Variants in DHRS12 observed in about 807,000 individuals in gnomAD.
The protein encoded by DHRS12 is dehydrogenase/reductase 12.
Under a neutral mutation model 32.1 loss-of-function variants are expected in DHRS12, and 29 were observed. That is an observed-to-expected ratio of 0.90 (90% CI 0.67 to 1.23). The LOEUF is 1.23. DHRS12 is among the 50% of genes most tolerant of loss of function. DHRS12 has a pLI of 0.00. For synonymous variants in DHRS12, 150 were observed against 135.9 expected (o/e 1.10, Z -0.72); for missense variants, 330 against 337.2 (o/e 0.98, Z 0.17).
the DHRS12 span, chr13:51,760,729 C>T: frequency 2.0e-5 from 3 of 152,256 alleles, no homozygotes. Context: ...GATCAGCAGG[C>T]ATTAGCTTCT....
At chr13:51,768,809 C>T (rs1445754866) in intron 8 of DHRS12, 8 of 1,252,942 alleles carry the variant, frequency 6.4e-6, no homozygotes, top group Non-Finnish European at 8.0e-6. Context: ...TGCAGAGAAG[C>T]AGAGTCCGTT....
chr13:51,789,833 C>G (rs1469229408), intron 4 of DHRS12, 178 bp downstream of exon 4: 1 of 985,140 alleles, frequency 1.0e-6, no homozygotes, highest in Non-Finnish European at 1.2e-6. Flanking sequence ...TTATAAGAAA[C>G]ATGAAAAGAG....
intron 1 of DHRS12, among the ~76,000 whole-genome samples, chr13:51,802,312 T>A (rs1282809606): frequency 6.6e-6 from 1 of 152,184 alleles, no homozygotes; most frequent in Non-Finnish European, 1.5e-5. Context: ...ATCAGCATCA[T>A]CTGGAAACCT....
chr13:51,772,010 G>GCAGAGTCCAGTGTAA, intron 6 of DHRS12, 99 bp from the exon 7 acceptor site: 1 of 1,134,244 alleles, frequency 8.8e-7, no homozygotes, highest in Non-Finnish European at 1.3e-6. Flanking sequence ...ATCTTACACT[G>GCAGAGTCCAGTGTAA]GACTCTGCAG....
intron 2 of DHRS12, 55 bp downstream of exon 2, chr13:51,799,479 C>G: frequency 3.1e-6 from 5 of 1,602,866 alleles, no homozygotes; most frequent in Non-Finnish European, 3.4e-6. Context: ...TCAGTGTGGA[C>G]CGGCCGCAGT....
chr13:51,763,316 G>A (rs1222313619), downstream of DHRS12: 2 of 152,102 alleles, frequency 1.3e-5, no homozygotes, highest in African/African-American at 4.8e-5. Flanking sequence ...CCCTGTGGTG[G>A]GGGAGGTAAT....
intron 4 of DHRS12, among the ~76,000 whole-genome samples, chr13:51,781,897 G>A (rs1387135492): frequency 6.6e-6 from 1 of 152,186 alleles, no homozygotes; most frequent in East Asian, 1.9e-4. Context: ...CTGTTCGGGA[G>A]GTGGGTACAG....
At chr13:51,804,026 G>A in intron 1 of DHRS12, 28 bp downstream of exon 1, 1 of 1,462,786 alleles carries the variant, frequency 6.8e-7, no homozygotes, top group Non-Finnish European at 9.0e-7. Flanking sequence ...GACAGCCCGG[G>A]GCCCCGCGCC....
chr13:51,765,854 C>G (rs1348021787), downstream of DHRS12: 1 of 152,088 alleles, frequency 6.6e-6, no homozygotes, highest in Non-Finnish European at 1.5e-5. Flanking sequence ...AAATAGATAC[C>G]TCAAAATGTT....
chr13:51,758,621 C>A, the DHRS12 span, among the ~76,000 whole-genome samples: 2 of 150,360 alleles, frequency 1.3e-5, no homozygotes, highest in African/African-American at 4.9e-5. Flanking sequence ...AAACCTGATA[C>A]ATGCACAGCC....
At chr13:51,769,694 T>A (rs567057713) in intron 7 of DHRS12, among the ~76,000 whole-genome samples, 1 of 152,294 alleles carries the variant, frequency 6.6e-6, no homozygotes, top group Admixed American at 6.5e-5. Flanking sequence ...TCTCAAACCA[T>A]CTAGGCTCAG....
intron 7 of DHRS12, chr13:51,771,198 G>A (rs745713743): frequency 1.6e-4 from 253 of 1,549,864 alleles, no homozygotes; most frequent in Non-Finnish European, 1.7e-4. Context: ...TCTTGGCGCC[G>A]CGGGTGCACC....
At chr13:51,792,844 G>T (rs1593556210) in intron 2 of DHRS12, among the ~76,000 whole-genome samples, 1 of 151,882 alleles carries the variant, frequency 6.6e-6, no homozygotes, top group East Asian at 1.9e-4. Flanking sequence ...AGATGATTTT[G>T]TTACATATGA....
At chr13:51,763,706 G>A (rs1196921330), downstream of DHRS12, 3 of 152,258 alleles carry the variant, frequency 2.0e-5, no homozygotes, top group African/African-American at 7.2e-5. Flanking sequence ...GCTGAGGCGG[G>A]AGGATCACTC....
At chr13:51,799,692 G>T (rs1157829272) in intron 1 of DHRS12, 25 bp from the exon 2 acceptor site, 2 of 1,611,546 alleles carry the variant, frequency 1.2e-6, no homozygotes, top group African/African-American at 1.3e-5. Flanking sequence ...CCCACAGGAA[G>T]ACCAGCTGTA....
intron 1 of DHRS12, among the ~76,000 whole-genome samples, chr13:51,802,882 A>T (rs1955824504): frequency 6.6e-6 from 1 of 151,728 alleles, no homozygotes; most frequent in Non-Finnish European, 1.5e-5. Flanking sequence ...AGGTGGGGAA[A>T]TCAGAGCGAA....
rs148389371 is a variant in DHRS12 at position 51,792,170 on chromosome 13, T to C, written c.127-913A>G. Among the ~76,000 whole-genome samples, 78 of 152,320 alleles carry C rather than the reference T, an allele frequency of 5.1e-4. 1 individual carries two copies. The highest frequency in any genetic ancestry group is 1.8e-3 in the African/African-American group (76 of 41,574). ...TCTATTTTGAATTTTTTGAGGAACC[T>C]CCATACTGTTTTCCATAGAGGCTGC... On this transcript the variant is annotated intron_variant, in intron 2 of 8. Transcript: ENST00000444610.
At chr13:51,762,350 C>T in the DHRS12 span, 1 of 152,278 alleles carries the variant, frequency 6.6e-6, no homozygotes, top group African/African-American at 2.4e-5. Flanking sequence ...TCTACCTTCT[C>T]CCTCCCAGCC....
At chr13:51,787,793 T>TTAA (rs1393155510) in intron 4 of DHRS12, among the ~76,000 whole-genome samples, 55 of 12,494 alleles carry the variant, frequency 4.4e-3, no homozygotes, top group African/African-American at 0.011. Flanking sequence ...TTATAATATA[T>TTAA]TAATATATAT....
Sources: gnomAD v4.1 joint callset for allele counts (sites outside exome capture counted in the v4.1 genomes callset) on GRCh38, gnomAD v4.1.1 for gene constraint, MANE v1.5 for transcripts, NCBI Gene and HGNC (gene_info 2026-07-23, HGNC 2026-07-21) for gene names.